The following SOX5 variants were observed in gnomAD, a reference collection of about 807,000 sequenced individuals.
SOX5 encodes transcription factor SOX-5.
Under a neutral mutation model 92.0 loss-of-function variants are expected in SOX5, and 9 were observed. The ratio of observed to expected loss-of-function variants is 0.10; its 90% CI spans 0.06 to 0.17. The LOEUF (loss-of-function observed/expected upper bound fraction) is 0.17. SOX5 is among the 10% of genes least tolerant of loss of function. The pLI, the probability that SOX5 is intolerant of heterozygous loss-of-function variation, is 1.00. For missense variants in SOX5, 642 were observed against 944.5 expected (o/e 0.68, Z 4.20); for synonymous variants, 344 against 336.3 (o/e 1.02, Z -0.25).
chr12:23,826,710 AG>A (rs1269063415), intron 3 of SOX5, among the ~76,000 whole-genome samples: 2 of 149,062 alleles, frequency 1.3e-5, no homozygotes, highest in African/African-American at 4.9e-5. Context: ...AAAAAAAAAA[AG>A]TAGAGAAGGA....
At chr12:23,741,335 T>C (rs766916876) in intron 4 of SOX5, among the ~76,000 whole-genome samples, 1 of 152,146 alleles carries the variant, frequency 6.6e-6, no homozygotes, top group Non-Finnish European at 1.5e-5. Flanking sequence ...CCAGTAATAA[T>C]CTATAGTTTT....
intron 3 of SOX5, among the ~76,000 whole-genome samples, chr12:24,266,672 TA>T (rs1161261061): frequency 2.6e-5 from 4 of 152,260 alleles, no homozygotes; most frequent in Non-Finnish European, 5.9e-5. Flanking sequence ...GTAAGCAGTT[TA>T]AATGATATCC....
At chr12:23,562,287 G>A (rs1346042420) in intron 11 of SOX5, among the ~76,000 whole-genome samples, 1 of 151,984 alleles carries the variant, frequency 6.6e-6, no homozygotes, top group Non-Finnish European at 1.5e-5. Flanking sequence ...GGAAAGAGCA[G>A]TTGTGGCAGG....
chr12:23,981,335 G>A (rs1206422516), intron 4 of SOX5, among the ~76,000 whole-genome samples: 2 of 152,098 alleles, frequency 1.3e-5, no homozygotes, highest in African/African-American at 2.4e-5. Context: ...AAATTTCAAT[G>A]AAATGAAAAA....
intron 6 of SOX5, among the ~76,000 whole-genome samples, chr12:23,688,077 C>T (rs1254371809): frequency 6.6e-6 from 1 of 151,962 alleles, no homozygotes; most frequent in Non-Finnish European, 1.5e-5. Flanking sequence ...TTCTGTAGAT[C>T]TATTTGGCTA....
chr12:24,066,195 A>T (rs1215259064), intron 4 of SOX5, among the ~76,000 whole-genome samples: 5 of 152,246 alleles, frequency 3.3e-5, no homozygotes, highest in African/African-American at 4.8e-5. Context: ...TCTCTTAATT[A>T]TCAGTTGATA....
At chr12:24,223,542 C>T (rs2139825998) in intron 3 of SOX5, among the ~76,000 whole-genome samples, 1 of 152,204 alleles carries the variant, frequency 6.6e-6, no homozygotes, top group East Asian at 1.9e-4. Flanking sequence ...TTGCTTGAGG[C>T]CAGCATTTTG....
Position 24,420,618 on chromosome 12 carries a change from T to C in SOX5, c.-250-51979A>G, listed in dbSNP as rs183713547. ...TCAATTATTTATCCTGCCTTTCCTA[T>C]ATGAACTGTACAACTTGGTAACCAA... On this transcript the variant is annotated intron_variant, in intron 1 of 4. Transcript: ENST00000446891. Among the ~76,000 whole-genome samples, 277 of 152,284 alleles carry C rather than the reference T, an allele frequency of 1.8e-3. 2 individuals are homozygous for C. The highest frequency in any genetic ancestry group is 3.1e-3 in the Non-Finnish European group (214 of 68,012).
intron 3 of SOX5, among the ~76,000 whole-genome samples, chr12:24,271,910 TAA>T (rs1943795288): frequency 6.6e-6 from 1 of 152,104 alleles, no homozygotes; most frequent in South Asian, 2.1e-4. Context: ...TGCTCCTTTA[TAA>T]AGAGTATCTT....
chr12:23,658,237 T>C lies in SOX5; in HGVS notation c.931+7207A>G, dbSNP rs185519829. ...ATATCCCTTTTTCAGTAATATAATC[T>C]TAAGACAATAATGTCAACTCCATTT... On this transcript the variant is annotated intron_variant, in intron 7 of 14. Coordinates refer to ENST00000451604, the MANE Select transcript of SOX5 (RefSeq NM_006940.6). Among the ~76,000 whole-genome samples the C allele has an allele frequency of 3.5e-4, 53 of 152,318 alleles. No individual in the cohort carries two copies. The East Asian group carries it at 0.01, about 29-fold the overall frequency.
At chr12:23,963,183 A>G (rs35908941) in intron 4 of SOX5, among the ~76,000 whole-genome samples, 18 of 152,180 alleles carry the variant, frequency 1.2e-4, no homozygotes, top group Non-Finnish European at 2.4e-4. Flanking sequence ...CCAAAAACCC[A>G]AATAACCTCT....
chr12:24,067,918 GC>G lies in SOX5; in HGVS notation c.-2+145424del, dbSNP rs531984124. On this transcript the variant is annotated intron_variant, in intron 4 of 4. Coordinates refer to the SOX5 transcript ENST00000446891. ...CCAGCACTATGGGAGGCCGAGGCGG[GC>G]GGATTGCCTGAGCTCAGGAGTTTGA... Among the ~76,000 whole-genome samples the G allele has an allele frequency of 2.0e-5, 3 of 152,334 alleles. No individual in the cohort carries two copies. The South Asian group carries it at 6.2e-4, about 32-fold the overall frequency.
Position 23,949,668 on chromosome 12 carries a change from A to G in SOX5, c.-67T>C. The G allele has an allele frequency of 1.2e-6, 2 of 1,612,854 alleles. No individual in the cohort carries two copies. Among genetic ancestry groups the G allele is most frequent in the South Asian group, 2.2e-5 (2 of 91,004 alleles). ...TGATCGTCTCCAACTGAACCTGTCAAGTGAGTCCAAACCTTCTAAACCAAT... is the reference window on the plus strand; with the variant it reads ...TGATCGTCTCCAACTGAACCTGTCAGGTGAGTCCAAACCTTCTAAACCAAT... On this transcript the variant is annotated 5_prime_UTR_variant, in exon 1 of 15. Coordinates refer to ENST00000451604, the MANE Select transcript of SOX5 (RefSeq NM_006940.6).
chr12:24,464,476 G>A (rs577449028), intron 1 of SOX5, among the ~76,000 whole-genome samples: 1 of 152,212 alleles, frequency 6.6e-6, no homozygotes, highest in South Asian at 2.1e-4. Flanking sequence ...GAGTAGCTGG[G>A]ACTACAGGTG....
At chr12:23,854,979 GTGTT>G (rs1350750838) in intron 2 of SOX5, among the ~76,000 whole-genome samples, 1 of 151,930 alleles carries the variant, frequency 6.6e-6, no homozygotes, top group Non-Finnish European at 1.5e-5. Flanking sequence ...AGCTATATAA[GTGTT>G]TGTTAAAATA....
chr12:24,532,391 A>G (rs2138669475), intron 1 of SOX5, among the ~76,000 whole-genome samples: 1 of 152,336 alleles, frequency 6.6e-6, no homozygotes, highest in Middle Eastern at 3.4e-3. Flanking sequence ...TCACTGAAGA[A>G]ACAGAGAAAA....
intron 1 of SOX5, among the ~76,000 whole-genome samples, chr12:24,426,212 A>G (rs1023861907): frequency 3.3e-5 from 5 of 151,810 alleles, no homozygotes; most frequent in Admixed American, 1.3e-4. Context: ...AAAACAAACA[A>G]ACAAACAAAC....
intron 3 of SOX5, among the ~76,000 whole-genome samples, chr12:23,764,927 C>T (rs1030549157): frequency 5.9e-5 from 9 of 152,040 alleles, no homozygotes; most frequent in Admixed American, 4.6e-4. Context: ...CAATCTCAGC[C>T]TGCCAGATGC....
intron 1 of SOX5, among the ~76,000 whole-genome samples, chr12:24,445,695 A>G (rs1210689729): frequency 3.3e-5 from 5 of 152,174 alleles, no homozygotes; most frequent in African/African-American, 9.7e-5. Flanking sequence ...CTTAATTGAT[A>G]TTAGTTTGTA....
Sources: allele counts gnomAD v4.1 joint callset (sites outside exome capture counted in the v4.1 genomes callset), GRCh38; gene constraint gnomAD v4.1.1; transcripts MANE v1.5; gene names NCBI Gene and HGNC (gene_info 2026-07-23, HGNC 2026-07-21).